The following ARMCX4 variants were observed in gnomAD, a reference collection of about 807,000 sequenced individuals.
ARMCX4 encodes the protein armadillo repeat-containing X-linked protein 4.
A neutral mutation model predicts 34.7 loss-of-function variants in ARMCX4; 3 were observed. That is an observed-to-expected ratio of 0.09 (90% CI 0.04 to 0.22). ARMCX4 has a LOEUF of 0.22. Among genes scored for constraint, ARMCX4 ranks in the 10% least tolerant of loss-of-function variants. ARMCX4 has a pLI of 1.00. For missense variants in ARMCX4, 1,448 were observed against 1,720.8 expected, an observed-to-expected ratio of 0.84 and a Z score of 2.81; for synonymous variants, 513 against 632.8, an observed-to-expected ratio of 0.81 and a Z score of 2.84.
Position 101,490,678 on chromosome X carries a change from A to G in ARMCX4, c.2089A>G (p.Lys697Glu). 8.7e-7 allele frequency: 1 copy of G among 1,155,483 alleles called. No individual in the cohort carries two copies. The highest frequency in any genetic ancestry group is 1.1e-6 in the Non-Finnish European group (1 of 872,737). The change falls in exon 6 of 6, where the codon AAG becomes GAG. Residue 697 changes from lysine (K) to glutamate (E), a missense_variant. Physicochemically the swap from Lys to Glu is moderately conservative, Grantham distance 56 (BLOSUM62 1). Transcript: ENST00000423738. ...KVKGNSNAVS[K>E]AGAGTDTTGS... is the part of the protein sequence containing the mutation. ...CAAGGGTAATTCCAATGCTGTGTCT[A>G]AGGCAGGGGCTGGGACAGATACAAC... is the stretch of plus-strand genomic sequence containing the variant.
Position 101,429,736 on chromosome X carries a change from G to A in ARMCX4, n.164+10736G>A, listed in dbSNP as rs3027570. On this transcript the variant is annotated intron_variant and non_coding_transcript_variant, in intron 2 of 3. Transcript: ENST00000430461. ...TGGCTTTCTTATTTCCCAAGACTGT[G>A]AACTTGTGACTTTTGACTCTTGGAT... Among the ~76,000 whole-genome samples the A allele has an allele frequency of 1.1e-4, 12 of 111,403 alleles. No homozygotes were observed. The South Asian group carries it at 4.3e-3, about 40-fold the overall frequency.
Position 101,445,607 on chromosome X carries a change from T to C in ARMCX4, n.269-391T>C, listed in dbSNP as rs138794674. On this transcript the variant is annotated intron_variant and non_coding_transcript_variant, in intron 3 of 3. Transcript: ENST00000430461. The stretch of plus-strand genomic sequence containing the variant: ...ATTAGAGAAGGGTGGAGGAATAAAG[T>C]TGTTTTGGTGTTAAATTACAAAATG... Among the ~76,000 whole-genome samples, 854 of 112,017 alleles carry C rather than the reference T, an allele frequency of 7.6e-3. 8 individuals are homozygous for C. The highest frequency in any genetic ancestry group is 0.026 in the African/African-American group (807 of 30,813).
rs1934443144 is a variant in ARMCX4, at chrX:101,506,074, C to T, written c.*1596+719C>T. On this transcript the variant is annotated intron_variant and NMD_transcript_variant, in intron 8 of 12. Coordinates refer to the ARMCX4 transcript ENST00000354842. ...GCCAGGCTGGTCTCGAACTCCTGAC[C>T]TCAGGTGATCCACCCACCTTGGCCT... is the stretch of plus-strand genomic sequence containing the variant. Among the ~76,000 whole-genome samples the T allele has an allele frequency of 2.7e-5, 3 of 111,818 alleles. No homozygotes were observed. In the East Asian group the frequency reaches 8.5e-4, roughly 31 times the overall value.
downstream of ARMCX4, among the ~76,000 whole-genome samples, chrX:101,448,912 C>CTT (rs3060590): frequency 9.1e-4 from 65 of 71,783 alleles, 2 homozygotes; most frequent in African/African-American, 2.8e-3. Flanking sequence ...CTTTTCTTTC[C>CTT]TTTTTTTTTT....
At chrX:101,525,714 G>A (rs1189474030) in intron 11 of ARMCX4, among the ~76,000 whole-genome samples, 4 of 110,703 alleles carry the variant, frequency 3.6e-5, no homozygotes, top group Non-Finnish European at 7.6e-5. Context: ...TGGAAGAAAG[G>A]GTACCGATTC....
intron 5 of ARMCX4, 150 bp downstream of exon 5, chrX:101,488,249 G>A: frequency 2.5e-6 from 1 of 394,146 alleles, no homozygotes. Flanking sequence ...GTGTATAGAA[G>A]TATCTTGGAA....
At chrX:101,426,997 A>C (rs1372272755) in intron 2 of ARMCX4, among the ~76,000 whole-genome samples, 1 of 112,397 alleles carries the variant, frequency 8.9e-6, no homozygotes, top group African/African-American at 3.2e-5. Context: ...TTCTTGAGTC[A>C]ATGCCAAATC....
At position 101,520,021 on chromosome X, in the gene ARMCX4, G is replaced by A. The variant is rs183955330; in HGVS notation, c.*1780+8966G>A. Among the ~76,000 whole-genome samples, 26 of 111,052 alleles carry A rather than the reference G, an allele frequency of 2.3e-4. No homozygotes were observed. In the Admixed American group the frequency reaches 2.4e-3, roughly 10 times the overall value. On this transcript the variant is annotated intron_variant and NMD_transcript_variant, in intron 11 of 12. Coordinates refer to the ARMCX4 transcript ENST00000354842. ...GCTTATTTTAAAATCAAGTTATTTG[G>A]TTTTCTCCTATTGAGTTTTAGAAGT...
intron 11 of ARMCX4, among the ~76,000 whole-genome samples, chrX:101,513,565 A>G (rs1410038277): frequency 2.7e-5 from 3 of 112,082 alleles, no homozygotes; most frequent in African/African-American, 9.7e-5. Context: ...TACACACACA[A>G]AGATGTTTGC....
chrX:101,464,237 G>A (rs1427846191), intron 4 of ARMCX4, among the ~76,000 whole-genome samples: 2 of 110,441 alleles, frequency 1.8e-5, no homozygotes, highest in East Asian at 2.9e-4. Context: ...TTAGCCAGGC[G>A]TGGTGGCGGG....
upstream of ARMCX4, among the ~76,000 whole-genome samples, chrX:101,481,816 C>T (rs1315593820): frequency 3.6e-5 from 4 of 111,437 alleles, no homozygotes; most frequent in African/African-American, 1.3e-4. Context: ...TTATTAGCTC[C>T]GGATCCAGAA....
intron 4 of ARMCX4, among the ~76,000 whole-genome samples, chrX:101,459,770 G>A (rs1932523748): frequency 8.9e-6 from 1 of 112,460 alleles, no homozygotes; most frequent in Non-Finnish European, 1.9e-5. Context: ...ATCTGCACAG[G>A]TTTTCCCATT....
At chrX:101,433,193 CACATATATGTGCATATACGCACATATAT>C (rs1318682145) in intron 2 of ARMCX4, among the ~76,000 whole-genome samples, 24 of 44,962 alleles carry the variant, frequency 5.3e-4, no homozygotes, top group East Asian at 1.1e-3. Context: ...CGCACACATA[CACATATATGTGCATATACGCACATATAT>C]ACATATATGT....
chrX:101,481,684 A>T (rs1457169305), upstream of ARMCX4, among the ~76,000 whole-genome samples: 1 of 111,630 alleles, frequency 9.0e-6, no homozygotes, highest in Non-Finnish European at 1.9e-5. Context: ...TTTTGGCAAT[A>T]TCAAATGTAT....
intron 2 of ARMCX4, among the ~76,000 whole-genome samples, chrX:101,440,085 GT>G (rs1399154778): frequency 9.0e-6 from 1 of 111,423 alleles, no homozygotes; most frequent in Non-Finnish European, 1.9e-5. Flanking sequence ...TTTCTGCTCT[GT>G]TTTTTCCCCA....
At chrX:101,471,559 C>A (rs1556002995) in intron 4 of ARMCX4, among the ~76,000 whole-genome samples, 1 of 112,016 alleles carries the variant, frequency 8.9e-6, no homozygotes, top group Non-Finnish European at 1.9e-5. Flanking sequence ...ATGTCCATGT[C>A]TGATAGCTTT....
chrX:101,419,777 T>C (rs781914249), intron 2 of ARMCX4, among the ~76,000 whole-genome samples: 17 of 111,300 alleles, frequency 1.5e-4, no homozygotes, highest in Non-Finnish European at 2.8e-4. Flanking sequence ...GTTTAGTCAG[T>C]TGAGCAAGAA....
In ARMCX4 at chrX:101,512,038, A is replaced by G. The variant is rs150228022; in HGVS notation, c.*1780+983A>G. On this transcript the variant is annotated intron_variant and NMD_transcript_variant, in intron 11 of 12. Transcript: ENST00000354842. ...TGTTTTCTGAGAGAACTCACCTAGT[A>G]TAGGGGCTGGAGGAGAAGATCTTGG... 5.2e-3 allele frequency among the ~76,000 whole-genome samples: 576 copies of G among 111,287 alleles called. 5 individuals are homozygous for G. The highest frequency in any genetic ancestry group is 0.017 in the African/African-American group (533 of 30,620).
In ARMCX4 at chrX:101,492,396, T is replaced by A. The variant is rs1556009707; in HGVS notation, c.3807T>A (p.Ala1269=). Residue 1269 remains alanine (A), a synonymous_variant, in exon 6 of 6, where the codon GCT becomes GCA. Coordinates refer to ENST00000423738, the MANE Select transcript of ARMCX4 (RefSeq NM_001256155.3). ...EEAIGGSWTG[A]ENQASEGSWA... ...CCATTGGAGGGTCCTGGACTGGGGCTGAGAACCAAGCCAGTGAAGGGTCTT... is the reference window on the plus strand; with the variant it reads ...CCATTGGAGGGTCCTGGACTGGGGCAGAGAACCAAGCCAGTGAAGGGTCTT... 2 of 1,152,515 alleles carry A rather than the reference T, an allele frequency of 1.7e-6. No individual in the cohort carries two copies. The highest frequency in any genetic ancestry group is 6.5e-5 in the East Asian group (2 of 30,624). 95.0% of individuals were successfully genotyped at this position (1,152,515 alleles called of 1,213,427 possible).
Sources: allele counts gnomAD v4.1 joint callset (sites outside exome capture counted in the v4.1 genomes callset), GRCh38; gene constraint gnomAD v4.1.1; transcripts MANE v1.5; gene names NCBI Gene and HGNC (gene_info 2026-07-23, HGNC 2026-07-21).